The following MCHR2 variants were observed in gnomAD, a reference collection of about 807,000 sequenced individuals.
MCHR2 encodes the protein melanin-concentrating hormone receptor 2.
MCHR2 carries 15 observed loss-of-function variants against 24.8 expected under a neutral mutation model. The observed-to-expected ratio is 0.60, with a 90% CI of 0.40 to 0.93. The LOEUF (loss-of-function observed/expected upper bound fraction) is 0.93, where lower values mean the gene tolerates loss of function less well. Ranked by LOEUF, MCHR2 falls within the 40% of genes least tolerant of loss-of-function variation. MCHR2 has a pLI of 0.00. For synonymous variants in MCHR2, 151 were observed against 147.6 expected (o/e 1.02, Z -0.17); for missense variants, 386 against 408.7 (o/e 0.94, Z 0.48).
At chr6:99,941,064 A>G (rs1303329743) in intron 4 of MCHR2, among the ~76,000 whole-genome samples, 1 of 151,834 alleles carries the variant, frequency 6.6e-6, no homozygotes, top group East Asian at 1.9e-4. Context: ...AGAGACAGGT[A>G]TTTTGTCAGG....
chr6:99,928,220 G>A (rs577665287), intron 5 of MCHR2, among the ~76,000 whole-genome samples: 36 of 152,304 alleles, frequency 2.4e-4, no homozygotes, highest in Admixed American at 1.2e-3. Flanking sequence ...TTTTTGATGC[G>A]CTGCTGAATT....
chr6:99,961,861 TAAA>T (rs948215010), intron 1 of MCHR2, among the ~76,000 whole-genome samples: 1 of 152,006 alleles, frequency 6.6e-6, no homozygotes, highest in African/African-American at 2.4e-5. Context: ...ATAATAATAA[TAAA>T]AAAGAATATG....
intron 1 of MCHR2, among the ~76,000 whole-genome samples, chr6:99,971,549 T>G (rs1184850419): frequency 2.6e-5 from 4 of 152,174 alleles, no homozygotes; most frequent in African/African-American, 7.2e-5. Flanking sequence ...GAATACCCTT[T>G]ATTTCCTTCT....
At position 99,956,532 on chromosome 6, in the gene MCHR2, C is replaced by T. The variant is rs916592467; in HGVS notation, c.-27-358G>A. Among the ~76,000 whole-genome samples the T allele has an allele frequency of 1.7e-4, 26 of 152,052 alleles. 1 individual carries two copies. The highest frequency in any genetic ancestry group is 6.0e-4 in the African/African-American group (25 of 41,406). On this transcript the variant is annotated intron_variant, in intron 1 of 5. Transcript: ENST00000281806. ...TGGCCTGCAGATCTGTTCATATTGGCTAGTATTCTTGTAACACTTATGTTG... is the reference window on the plus strand; with the variant it reads ...TGGCCTGCAGATCTGTTCATATTGGTTAGTATTCTTGTAACACTTATGTTG...
intron 5 of MCHR2, among the ~76,000 whole-genome samples, chr6:99,927,049 C>T (rs1171257246): frequency 1.3e-5 from 2 of 152,128 alleles, no homozygotes; most frequent in African/African-American, 2.4e-5. Context: ...CAGCTTTCTA[C>T]ATATGGCTAG....
chr6:99,983,142 T>C (rs1229409698), intron 1 of MCHR2, among the ~76,000 whole-genome samples: 1 of 151,358 alleles, frequency 6.6e-6, no homozygotes, highest in Non-Finnish European at 1.5e-5. Context: ...TGGTTTTTTT[T>C]GGTATTTTTG....
chr6:99,946,280 A>C (rs1421690290), intron 3 of MCHR2, among the ~76,000 whole-genome samples: 1 of 152,196 alleles, frequency 6.6e-6, no homozygotes, highest in Non-Finnish European at 1.5e-5. Flanking sequence ...ATTGATTTAA[A>C]AATGTGTTAG....
intron 3 of MCHR2, among the ~76,000 whole-genome samples, chr6:99,947,492 G>T (rs1252462997): frequency 6.6e-6 from 1 of 152,016 alleles, no homozygotes; most frequent in Non-Finnish European, 1.5e-5. Context: ...TCCTGGTTTT[G>T]TGATTTTTTT....
intron 1 of MCHR2, among the ~76,000 whole-genome samples, chr6:99,967,355 G>A (rs1775313707): frequency 1.3e-5 from 2 of 152,054 alleles, no homozygotes; most frequent in South Asian, 4.1e-4. Context: ...AAAGCAAAAA[G>A]ACAGTGTTAA....
intron 1 of MCHR2, among the ~76,000 whole-genome samples, chr6:99,986,115 CATA>C (rs1400086448): frequency 6.6e-6 from 1 of 151,912 alleles, no homozygotes; most frequent in East Asian, 1.9e-4. Flanking sequence ...AAATTAAAAC[CATA>C]ATGAGATACC....
Position 99,991,470 on chromosome 6 carries a change from GAA to G in MCHR2, c.-28+2464_-28+2465del, listed in dbSNP as rs763383312. 2.1e-4 allele frequency among the ~76,000 whole-genome samples: 32 copies of G among 152,134 alleles called. 1 individual carries two copies. The highest frequency in any genetic ancestry group is 1.3e-4 in the Admixed American group (2 of 15,274). Reference sequence around the variant, plus strand: ...CTCAGTTTCCCCATAGGTGAGGTGAGAATAATACTCTCTACATAGTTATCGTG... The same window carrying G: ...CTCAGTTTCCCCATAGGTGAGGTGAGTAATACTCTCTACATAGTTATCGTG... On this transcript the variant is annotated intron_variant, in intron 1 of 5. Coordinates refer to ENST00000281806, the MANE Select transcript of MCHR2 (RefSeq NM_001040179.2).
chr6:99,972,327 A>G (rs991864334), intron 1 of MCHR2, among the ~76,000 whole-genome samples: 1 of 152,190 alleles, frequency 6.6e-6, no homozygotes, highest in Non-Finnish European at 1.5e-5. Flanking sequence ...CATTTCTTCT[A>G]GATTTTCTAG....
At chr6:99,962,295 T>C (rs1035604465) in intron 1 of MCHR2, among the ~76,000 whole-genome samples, 2 of 152,140 alleles carry the variant, frequency 1.3e-5, no homozygotes, top group African/African-American at 4.8e-5. Flanking sequence ...TGAAGTTAGA[T>C]AGCATGAGAT....
chr6:99,966,967 GC>G (rs1775306271), intron 1 of MCHR2, among the ~76,000 whole-genome samples: 1 of 151,922 alleles, frequency 6.6e-6, no homozygotes, highest in East Asian at 1.9e-4. Context: ...CTCCATCTGT[GC>G]TCATGTGGTA....
At chr6:99,989,892 A>G (rs1282872119) in intron 1 of MCHR2, among the ~76,000 whole-genome samples, 1 of 152,156 alleles carries the variant, frequency 6.6e-6, no homozygotes, top group Non-Finnish European at 1.5e-5. Flanking sequence ...GCTCCGTGAA[A>G]TAATCTCCCT....
rs1454929138 is a variant in MCHR2 at position 99,918,902 on chromosome 6, CT to C, written c.*2037del. ...GCCAATTATTTGAGGACTATTGGGA[CT>C]GCTACTAGAAAAAGGTCTGTGGTTT... On this transcript the variant is annotated 3_prime_UTR_variant, in exon 6 of 6. Transcript: ENST00000281806. Among the ~76,000 whole-genome samples, 1 of 152,082 alleles carries C rather than the reference CT, an allele frequency of 6.6e-6. No homozygotes were observed. Among genetic ancestry groups the C allele is most frequent in the Non-Finnish European group, 1.5e-5 (1 of 68,030 alleles).
intron 2 of MCHR2, among the ~76,000 whole-genome samples, chr6:99,949,694 T>TA (rs1215535170): frequency 6.6e-6 from 1 of 151,936 alleles, no homozygotes; most frequent in Non-Finnish European, 1.5e-5. Context: ...TTGCTGCCAC[T>TA]AAAAAAACAG....
In MCHR2 at chr6:99,942,960, G is replaced by C; in HGVS notation, c.576C>G (p.Asp192Glu). ...ESCAFDLTSP[D>E]DVLWYTLYLT... is the part of the protein sequence containing the mutation. ...TTTTCACAACTTACCAGAGTACATC[G>C]TCAGGGGATGTCAAATCAAAAGCAC... The change falls in exon 4 of 6, where the codon GAC becomes GAG. Residue 192 changes from aspartate to glutamate, a missense_variant. Physicochemically the swap from Asp to Glu is conservative, Grantham distance 45 (BLOSUM62 2). Coordinates refer to ENST00000281806, the MANE Select transcript of MCHR2 (RefSeq NM_001040179.2). The C allele has an allele frequency of 6.2e-7, 1 of 1,610,958 alleles. No homozygotes were observed. Among genetic ancestry groups the C allele is most frequent in the Non-Finnish European group, 8.5e-7 (1 of 1,178,208 alleles).
At chr6:99,981,960 G>A (rs1354492903) in intron 1 of MCHR2, among the ~76,000 whole-genome samples, 1 of 152,090 alleles carries the variant, frequency 6.6e-6, no homozygotes, top group African/African-American at 2.4e-5. Context: ...TCAACACAAT[G>A]CTTGTTGACT....
Sources: allele counts gnomAD v4.1 joint callset (sites outside exome capture counted in the v4.1 genomes callset), GRCh38; gene constraint gnomAD v4.1.1; transcripts MANE v1.5; gene names NCBI Gene and HGNC (gene_info 2026-07-23, HGNC 2026-07-21).